The following CCDC170 variants were observed in gnomAD, a reference collection of about 807,000 sequenced individuals.
CCDC170 encodes the protein coiled-coil domain containing 170.
Under a neutral mutation model 72.6 loss-of-function variants are expected in CCDC170, and 69 were observed. The ratio of observed to expected loss-of-function variants is 0.95; its 90% CI spans 0.78 to 1.16. The LOEUF is 1.16. Ranked by LOEUF, CCDC170 falls within the 50% of genes most tolerant of loss-of-function variation. CCDC170 has a pLI of 0.00. For synonymous variants in CCDC170, 300 were observed against 303.9 expected, an observed-to-expected ratio of 0.99 and a Z score of 0.13; for missense variants, 852 against 832.5, an observed-to-expected ratio of 1.02 and a Z score of -0.29.
At chr6:151,497,885 A>T (rs1781932564) in intron 1 of CCDC170, among the ~76,000 whole-genome samples, 1 of 146,032 alleles carries the variant, frequency 6.8e-6, no homozygotes, top group Non-Finnish European at 1.5e-5. Context: ...CTGAGGCAGG[A>T]GAATTGCCTG....
At chr6:151,606,339 G>T (rs983757042) in intron 9 of CCDC170, among the ~76,000 whole-genome samples, 41 of 152,136 alleles carry the variant, frequency 2.7e-4, no homozygotes, top group Non-Finnish European at 5.3e-4. Context: ...TTTGTTTCAA[G>T]AATTTTTTGG....
chr6:151,598,377 A>G (rs1172817212), intron 9 of CCDC170, among the ~76,000 whole-genome samples: 3 of 152,182 alleles, frequency 2.0e-5, no homozygotes, highest in South Asian at 2.1e-4. Context: ...AGTGAGGGAT[A>G]TGGATGACAG....
At chr6:151,595,462 A>G (rs1583043342) in intron 8 of CCDC170, among the ~76,000 whole-genome samples, 2 of 152,118 alleles carry the variant, frequency 1.3e-5, no homozygotes, top group African/African-American at 4.8e-5. Context: ...TATATGTATA[A>G]GCAAAGCTTT....
intron 5 of CCDC170, among the ~76,000 whole-genome samples, chr6:151,554,089 T>C (rs183405110): frequency 8.7e-4 from 132 of 152,338 alleles, no homozygotes; most frequent in African/African-American, 3.1e-3. Context: ...ATGATAAATA[T>C]ATTACTTAAA....
chr6:151,602,686 G>A lies in CCDC170; in HGVS notation c.1710+6109G>A, dbSNP rs574237904. ...TCTTGCCTGCCACCATGTAAGACAT[G>A]CCTGCTTCCCCTTCTGCCATGATTG... On this transcript the variant is annotated intron_variant, in intron 9 of 10. Coordinates refer to ENST00000239374, the MANE Select transcript of CCDC170 (RefSeq NM_025059.4). Among the ~76,000 whole-genome samples, 10 of 152,236 alleles carry A rather than the reference G, an allele frequency of 6.6e-5. No individual in the cohort carries two copies. In the South Asian group the frequency reaches 1.9e-3, roughly 28 times the overall value.
chr6:151,620,591 T>G lies in CCDC170; in HGVS notation c.*2444T>G, dbSNP rs1448919733. On this transcript the variant is annotated 3_prime_UTR_variant, in exon 11 of 11. Coordinates refer to ENST00000239374, the MANE Select transcript of CCDC170 (RefSeq NM_025059.4). ...GACTTCACTGGGTCTCTGGAGGCTC[T>G]CGGAGCTTGAGTGGCTCTGCCCCAC... 1 of 152,228 alleles carries G rather than the reference T, an allele frequency of 6.6e-6. No homozygotes were observed. Among genetic ancestry groups the G allele is most frequent in the Non-Finnish European group, 1.5e-5 (1 of 68,058 alleles). The allele number at this position is 152,228 out of a possible 1,614,324, so 9.4% of individuals were successfully genotyped here.
intron 1 of CCDC170, among the ~76,000 whole-genome samples, chr6:151,509,800 C>A (rs1280617831): frequency 6.6e-6 from 1 of 152,118 alleles, no homozygotes; most frequent in Non-Finnish European, 1.5e-5. Context: ...ATCATTTCAA[C>A]TTTTAGCCAG....
intron 9 of CCDC170, among the ~76,000 whole-genome samples, chr6:151,598,256 G>A (rs189888588): frequency 6.6e-6 from 1 of 152,274 alleles, no homozygotes; most frequent in African/African-American, 2.4e-5. Context: ...GGAATAGGGT[G>A]GAATAGCATC....
intron 6 of CCDC170, among the ~76,000 whole-genome samples, chr6:151,577,816 A>G (rs1316618414): frequency 6.6e-6 from 1 of 152,206 alleles, no homozygotes; most frequent in Non-Finnish European, 1.5e-5. Flanking sequence ...CGTGAACGCT[A>G]TTGCGAACTG....
chr6:151,507,804 C>T (rs1782086448), intron 1 of CCDC170, among the ~76,000 whole-genome samples: 1 of 151,786 alleles, frequency 6.6e-6, no homozygotes, highest in Non-Finnish European at 1.5e-5. Context: ...GCCTGTAATC[C>T]CAGCTACTCG....
chr6:151,576,830 G>A (rs1016592978), intron 6 of CCDC170, among the ~76,000 whole-genome samples: 1 of 152,180 alleles, frequency 6.6e-6, no homozygotes, highest in Non-Finnish European at 1.5e-5. Context: ...GCATGTCCCT[G>A]CCAGCTGCCA....
intron 6 of CCDC170, 33 bp from the exon 7 acceptor site, chr6:151,585,856 A>G (rs1776443121): frequency 6.2e-7 from 1 of 1,602,214 alleles, no homozygotes; most frequent in Admixed American, 1.7e-5. Flanking sequence ...ATCTGAAACA[A>G]GGCTTATTCT....
intron 9 of CCDC170, among the ~76,000 whole-genome samples, chr6:151,604,746 C>G (rs1008998094): frequency 6.6e-6 from 1 of 152,128 alleles, no homozygotes; most frequent in South Asian, 2.1e-4. Flanking sequence ...TTAGTTACAC[C>G]TTTTTCTTTC....
chr6:151,571,494 G>A (rs551632021), intron 5 of CCDC170, among the ~76,000 whole-genome samples: 31 of 152,278 alleles, frequency 2.0e-4, no homozygotes, highest in African/African-American at 6.0e-4. Context: ...TTGGGAGGCC[G>A]AAGCGGGTAG....
At chr6:151,510,341 T>C (rs988403624) in intron 1 of CCDC170, among the ~76,000 whole-genome samples, 2 of 152,210 alleles carry the variant, frequency 1.3e-5, no homozygotes, top group African/African-American at 4.8e-5. Context: ...CCGAGAAAAA[T>C]TTCACACTTA....
At chr6:151,607,557 G>C (rs1268695436) in intron 9 of CCDC170, among the ~76,000 whole-genome samples, 1 of 151,948 alleles carries the variant, frequency 6.6e-6, no homozygotes, top group Non-Finnish European at 1.5e-5. Flanking sequence ...CTTGTCTAAG[G>C]GTGTTGAGTT....
In CCDC170 at chr6:151,601,580, T is replaced by A. The variant is rs189128090; in HGVS notation, c.1710+5003T>A. On this transcript the variant is annotated intron_variant, in intron 9 of 10. Coordinates refer to ENST00000239374, the MANE Select transcript of CCDC170 (RefSeq NM_025059.4). ...ACAGACAGATATATGTAGATATAAATATCTACATCGGTCTATCAATCATCT... is the reference window on the plus strand; with the variant it reads ...ACAGACAGATATATGTAGATATAAAAATCTACATCGGTCTATCAATCATCT... Among the ~76,000 whole-genome samples, 15 of 152,214 alleles carry A rather than the reference T, an allele frequency of 9.9e-5. No homozygotes were observed. The South Asian group carries it at 1.9e-3, about 19-fold the overall frequency.
intron 5 of CCDC170, among the ~76,000 whole-genome samples, chr6:151,551,614 G>C (rs1283912654): frequency 6.6e-6 from 1 of 152,184 alleles, no homozygotes; most frequent in Non-Finnish European, 1.5e-5. Context: ...TCTAGGGAGA[G>C]GGAAGTCAGC....
At chr6:151,513,886 C>T (rs1434382497) in intron 1 of CCDC170, among the ~76,000 whole-genome samples, 3 of 142,980 alleles carry the variant, frequency 2.1e-5, no homozygotes, top group Non-Finnish European at 3.0e-5. Flanking sequence ...TGCCACTGCA[C>T]TCCAGTCTGG....
Sources: gnomAD v4.1 joint callset for allele counts (sites outside exome capture counted in the v4.1 genomes callset) on GRCh38, gnomAD v4.1.1 for gene constraint, MANE v1.5 for transcripts, NCBI Gene and HGNC (gene_info 2026-07-23, HGNC 2026-07-21) for gene names.